Variants in DENND1B observed in about 807,000 individuals in gnomAD.
DENND1B encodes the protein DENN domain-containing protein 1B.
A neutral mutation model predicts 90.1 loss-of-function variants in DENND1B; 59 were observed. The observed-to-expected ratio is 0.65, with a 90% CI of 0.53 to 0.81. DENND1B has a LOEUF of 0.81. DENND1B is among the 40% of genes least tolerant of loss of function. The pLI is 0.00. For missense variants in DENND1B, 862 were observed against 912.6 expected (o/e 0.94, Z 0.71); for synonymous variants, 337 against 324.6 (o/e 1.04, Z -0.41).
chr1:197,631,962 T>C (rs12127378), intron 10 of DENND1B, among the ~76,000 whole-genome samples: 24,492 of 152,132 alleles, frequency 0.16, 2,246 homozygotes, highest in Non-Finnish European at 0.2. Context: ...TATGCCACTC[T>C]ACATTCTCCC....
intron 20 of DENND1B, among the ~76,000 whole-genome samples, chr1:197,518,299 C>A (rs1286682643): frequency 6.6e-6 from 1 of 151,872 alleles, no homozygotes; most frequent in Non-Finnish European, 1.5e-5. Flanking sequence ...TATAATTGGA[C>A]AAATTGTATA....
At chr1:197,734,510 A>C (rs1662453508) in intron 2 of DENND1B, 2 of 974,900 alleles carry the variant, frequency 2.1e-6, no homozygotes, top group Non-Finnish European at 2.4e-6. Flanking sequence ...CTCATATTGA[A>C]ATCTAAAAAG....
In DENND1B at chr1:197,645,695, C is replaced by G. The variant is rs1039192247; in HGVS notation, c.556G>C (p.Glu186Gln). 6.4e-7 allele frequency: 1 copy of G among 1,551,912 alleles called. No homozygotes were observed. Among genetic ancestry groups the G allele is most frequent in the Non-Finnish European group, 8.7e-7 (1 of 1,147,794 alleles). The change falls in exon 9 of 23, where the codon GAG (glutamate) becomes CAG (glutamine). Residue 186 changes from glutamate (E) to glutamine (Q), a missense_variant. Coordinates refer to ENST00000620048, the MANE Select transcript of DENND1B (RefSeq NM_001195215.2). ...GTAGAAAATAGGAAACTTACACTCT[C>G]GGGTATTGTTGGGAGTCCAGTTACA... ...PDVTGLPTIP[E>Q]SRNLTEYFVA...
chr1:197,631,302 T>C (rs1387720215), intron 10 of DENND1B, among the ~76,000 whole-genome samples: 1 of 152,136 alleles, frequency 6.6e-6, no homozygotes, highest in Non-Finnish European at 1.5e-5. Context: ...ATTTAACAAC[T>C]AGAAAGGATC....
At chr1:197,718,257 C>G (rs183835751) in intron 2 of DENND1B, among the ~76,000 whole-genome samples, 7 of 151,842 alleles carry the variant, frequency 4.6e-5, no homozygotes, top group Non-Finnish European at 8.8e-5. Context: ...AAAGTCCCTG[C>G]GTTACAATGC....
rs1667883335 is a variant in DENND1B at position 197,509,511 on chromosome 1, T to C, written c.*949A>G. On this transcript the variant is annotated 3_prime_UTR_variant, in exon 23 of 23. Transcript: ENST00000620048. ...GTAGATGGGAACTCTCTGTACTATCTTTGCAATTTTTCTGTAAATCTAAAA... is the reference window on the plus strand; with the variant it reads ...GTAGATGGGAACTCTCTGTACTATCCTTGCAATTTTTCTGTAAATCTAAAA... 2.7e-5 allele frequency: 4 copies of C among 150,592 alleles called. No individual in the cohort carries two copies. The allele number at this position is 150,592 out of a possible 1,614,324, so 9.3% of individuals were successfully genotyped here. A position where few individuals can be genotyped will look rare whatever the true frequency, so the allele number is the denominator to read the frequency against.
intron 2 of DENND1B, among the ~76,000 whole-genome samples, chr1:197,737,373 A>C (rs1662796865): frequency 6.6e-6 from 1 of 152,326 alleles, no homozygotes; most frequent in African/African-American, 2.4e-5. Context: ...AAATAATCAA[A>C]GTATGTCCCA....
intron 20 of DENND1B, among the ~76,000 whole-genome samples, chr1:197,525,884 G>A (rs181595168): frequency 1.3e-5 from 2 of 152,018 alleles, no homozygotes; most frequent in East Asian, 1.9e-4. Flanking sequence ...TACTATAAAC[G>A]TCAAAGACAC....
chr1:197,626,611 A>G (rs376248924), intron 10 of DENND1B, among the ~76,000 whole-genome samples: 1 of 152,156 alleles, frequency 6.6e-6, no homozygotes, highest in Non-Finnish European at 1.5e-5. Flanking sequence ...ATCACAATTA[A>G]AAGAACTAGA....
chr1:197,704,289 G>A lies in DENND1B; in HGVS notation c.126+10742C>T, dbSNP rs376910219. 5.3e-5 allele frequency among the ~76,000 whole-genome samples: 8 copies of A among 152,208 alleles called. No individual in the cohort carries two copies. The East Asian group carries it at 1.2e-3, about 22-fold the overall frequency. ...AATAAAAAATAAAAATTGTTTTCAT[G>A]CAATCTCTTTTTTCCCTCACACTTA... On this transcript the variant is annotated intron_variant, in intron 3 of 22. Transcript: ENST00000620048.
rs933490444 is a variant in DENND1B, at chr1:197,599,310, T to C, written c.922-3977A>G. On this transcript the variant is annotated intron_variant, in intron 13 of 22. Transcript: ENST00000620048. ...AACTTTTAGATGTGATTTCTAGATA[T>C]GCTTTTGCAGTAAAAATATATTAAC... Among the ~76,000 whole-genome samples, 8 of 152,020 alleles carry C rather than the reference T, an allele frequency of 5.3e-5. No homozygotes were observed. In the South Asian group the frequency reaches 1.2e-3, roughly 24 times the overall value.
intron 3 of DENND1B, chr1:197,689,070 T>C: frequency 4.7e-6 from 1 of 210,612 alleles, no homozygotes; most frequent in East Asian, 1.1e-4. Flanking sequence ...AAAAACATGA[T>C]TACAGAAACA....
intron 20 of DENND1B, among the ~76,000 whole-genome samples, chr1:197,538,196 G>A (rs908866375): frequency 3.3e-5 from 5 of 151,622 alleles, no homozygotes; most frequent in Non-Finnish European, 5.9e-5. Flanking sequence ...AAATCTACTC[G>A]CCATGGTAAA....
Position 197,595,399 on chromosome 1 carries a change from A to G in DENND1B, c.922-66T>C, listed in dbSNP as rs1675595484. On this transcript the variant is annotated intron_variant, in intron 13 of 22. Transcript: ENST00000620048. The stretch of plus-strand genomic sequence containing the variant: ...ATTGGTACAGCGAGGTAGGAACCCA[A>G]TCAGCAGGCAAACCACAGTGTCTGT... 9 of 1,574,312 alleles carry G rather than the reference A, an allele frequency of 5.7e-6. No individual in the cohort carries two copies. The South Asian group carries it at 1.0e-4, about 18-fold the overall frequency.
chr1:197,601,823 T>C (rs545032715), intron 13 of DENND1B, among the ~76,000 whole-genome samples: 143 of 151,830 alleles, frequency 9.4e-4, no homozygotes, highest in African/African-American at 3.3e-3. Flanking sequence ...AGTTAAGGTT[T>C]TCGGGTTTTG....
intron 2 of DENND1B, 77 bp downstream of exon 2, chr1:197,772,791 C>T (rs1571704992): frequency 7.6e-7 from 1 of 1,309,516 alleles, no homozygotes; most frequent in Non-Finnish European, 1.1e-6. Context: ...TGCCACTGCA[C>T]AGCCTGAGGA....
Position 197,529,079 on chromosome 1 carries a change from T to C in DENND1B, c.1515+10885A>G, listed in dbSNP as rs545730737. Among the ~76,000 whole-genome samples, 4 of 151,512 alleles carry C rather than the reference T, an allele frequency of 2.6e-5. No homozygotes were observed. The South Asian group carries it at 8.4e-4, about 32-fold the overall frequency. On this transcript the variant is annotated intron_variant, in intron 20 of 22. Coordinates refer to ENST00000620048, the MANE Select transcript of DENND1B (RefSeq NM_001195215.2). ...AGTATTTATCAACAAGCATACTGCT[T>C]TGTATCACACTGCAAATGAAAAATA...
intron 6 of DENND1B, among the ~76,000 whole-genome samples, chr1:197,656,098 G>A (rs1653794770): frequency 6.6e-6 from 1 of 152,064 alleles, no homozygotes; most frequent in Admixed American, 6.5e-5. Flanking sequence ...GTAAGCAGTG[G>A]AATAAAATCA....
In DENND1B at chr1:197,506,057, G is replaced by A. The variant is rs1667715382; in HGVS notation, c.*4403C>T. On this transcript the variant is annotated 3_prime_UTR_variant, in exon 23 of 23. Coordinates refer to ENST00000620048, the MANE Select transcript of DENND1B (RefSeq NM_001195215.2). ...ACATTTCTCCTGGCAACAATATAAA[G>A]AATATATTTTTTTCTGAAATCAATG... The A allele has an allele frequency of 6.6e-6, 1 of 151,446 alleles. No individual in the cohort carries two copies. Among genetic ancestry groups the A allele is most frequent in the Admixed American group, 6.6e-5 (1 of 15,168 alleles). 9.4% of individuals were successfully genotyped at this position (151,446 alleles called of 1,614,324 possible).
Sources: allele counts gnomAD v4.1 joint callset (sites outside exome capture counted in the v4.1 genomes callset), GRCh38; gene constraint gnomAD v4.1.1; transcripts MANE v1.5; gene names NCBI Gene and HGNC (gene_info 2026-07-23, HGNC 2026-07-21).